IQCB1: variants seen among roughly 807,000 people sequenced by gnomAD.
IQCB1 encodes the protein IQ motif containing B1.
Under a neutral mutation model 84.4 loss-of-function variants are expected in IQCB1, and 56 were observed. The ratio of observed to expected loss-of-function variants is 0.66; its 90% CI spans 0.54 to 0.83. The LOEUF is 0.83. IQCB1 is among the 40% of genes least tolerant of loss of function. IQCB1 has a pLI of 0.00. For synonymous variants in IQCB1, 210 were observed against 234.8 expected (o/e 0.89, Z 0.96); for missense variants, 629 against 682.1 (o/e 0.92, Z 0.87).
rs183821398 is a variant in IQCB1 at position 121,811,174 on chromosome 3, G to A, written c.394-2165C>T. Among the ~76,000 whole-genome samples the A allele has an allele frequency of 2.8e-3, 431 of 152,270 alleles. 3 individuals carry two copies. The highest frequency in any genetic ancestry group is 0.015 in the South Asian group (73 of 4,822). On this transcript the variant is annotated intron_variant, in intron 5 of 14. Coordinates refer to ENST00000310864, the MANE Select transcript of IQCB1 (RefSeq NM_001023570.4). ...AGTGGGGCATTGCCTCACCTGGGAA[G>A]TGCAAGGGGCTGGGGACCTCCCTCC...
chr3:121,828,816 AT>A, intron 3 of IQCB1, 44 bp downstream of exon 3: 3 of 1,240,212 alleles, frequency 2.4e-6, no homozygotes, highest in Non-Finnish European at 3.6e-6. Context: ...CGATGGAACC[AT>A]TTTTCACTTA....
chr3:121,799,899 T>C (rs928838037), intron 7 of IQCB1, among the ~76,000 whole-genome samples: 2 of 151,884 alleles, frequency 1.3e-5, no homozygotes, highest in Admixed American at 1.3e-4. Context: ...ATCTAAAACT[T>C]AGAAATAGTC....
Position 121,822,748 on chromosome 3 carries a change from T to A in IQCB1, c.393+3303A>T, listed in dbSNP as rs551337077. Among the ~76,000 whole-genome samples, 31 of 152,244 alleles carry A rather than the reference T, an allele frequency of 2.0e-4. 1 individual carries two copies. In the South Asian group the frequency reaches 6.0e-3, roughly 29 times the overall value. On this transcript the variant is annotated intron_variant, in intron 5 of 14. Transcript: ENST00000310864. ...ACCAGGACTAAGGGCAATACTCTAA[T>A]GGCAAAACTGAAGTAAACCTCTCCA...
intron 8 of IQCB1, among the ~76,000 whole-genome samples, chr3:121,798,672 T>C (rs1246427475): frequency 1.3e-5 from 2 of 151,974 alleles, no homozygotes; most frequent in African/African-American, 2.4e-5. Flanking sequence ...AAAGCTATTA[T>C]ATGAGAATGT....
chr3:121,835,025 C>T lies in IQCB1; in HGVS notation c.-161G>A, dbSNP rs1708206772. On this transcript the variant is annotated 5_prime_UTR_variant, in exon 1 of 15. Coordinates refer to ENST00000310864, the MANE Select transcript of IQCB1 (RefSeq NM_001023570.4). ...CTGGGGCTCCCACGCCGCACTACAG[C>T]GCCGCGGCCTTCCGGGGCAGCGTGC... is the stretch of plus-strand genomic sequence containing the variant. 3.6e-6 allele frequency: 2 copies of T among 562,826 alleles called. No individual in the cohort carries two copies. The highest frequency in any genetic ancestry group is 6.2e-5 in the Admixed American group (2 of 32,462). The allele number at this position is 562,826 out of a possible 1,614,324, so 34.9% of individuals were successfully genotyped here.
rs2108643127 is a variant in IQCB1, at chr3:121,828,570, A to C, written c.163T>G (p.Cys55Gly). ...AGGCAATATTGAATGAGATCATAAC[A>C]ATATATATCTTGTTTGATTTTCTTC... Reference protein sequence around the residue: ...ELKKIKQDIYCYDLIQYCLLV... With the variant: ...ELKKIKQDIYGYDLIQYCLLV... The change falls in exon 4 of 15, where the codon TGT becomes GGT. Residue 55 changes from cysteine (C) to glycine (G), a missense_variant. Coordinates refer to ENST00000310864, the MANE Select transcript of IQCB1 (RefSeq NM_001023570.4). 6.2e-7 allele frequency: 1 copy of C among 1,605,450 alleles called. No homozygotes were observed. Among genetic ancestry groups the C allele is most frequent in the East Asian group, 2.2e-5 (1 of 44,766 alleles).
chr3:121,801,544 A>T (rs114318594), intron 7 of IQCB1, among the ~76,000 whole-genome samples: 1 of 152,004 alleles, frequency 6.6e-6, no homozygotes, highest in African/African-American at 2.4e-5. Context: ...AACATTCACC[A>T]AGTCATCATA....
In IQCB1 at chr3:121,796,617, G is replaced by T. The variant is rs563765394; in HGVS notation, c.876+501C>A. ...TTGTTGTATCTCAAAGAACAAGAAG[G>T]GTAGCCATAGGTAACCATAAATACA... On this transcript the variant is annotated intron_variant, in intron 9 of 14. Transcript: ENST00000310864. 4.6e-5 allele frequency among the ~76,000 whole-genome samples: 7 copies of T among 152,066 alleles called. No individual in the cohort carries two copies. The East Asian group carries it at 5.8e-4, about 13-fold the overall frequency.
At chr3:121,820,263 C>T (rs996851786) in intron 5 of IQCB1, among the ~76,000 whole-genome samples, 1 of 152,062 alleles carries the variant, frequency 6.6e-6, no homozygotes, top group Non-Finnish European at 1.5e-5. Flanking sequence ...AGGTAGAGCA[C>T]CTAGCAAATT....
At chr3:121,831,370 C>T (rs1406458343) in intron 2 of IQCB1, among the ~76,000 whole-genome samples, 7 of 152,008 alleles carry the variant, frequency 4.6e-5, no homozygotes, top group Admixed American at 4.6e-4. Context: ...GACAGGGTTT[C>T]TCCATGTTGC....
intron 12 of IQCB1, among the ~76,000 whole-genome samples, chr3:121,787,749 C>CAAAAAAAA (rs61374218): frequency 8.1e-6 from 1 of 124,068 alleles, no homozygotes; most frequent in Non-Finnish European, 1.7e-5. Context: ...GAATCCGTCT[C>CAAAAAAAA]AAAAAAAAAA....
At chr3:121,774,004 A>G (rs1349939856) in intron 13 of IQCB1, among the ~76,000 whole-genome samples, 2 of 152,136 alleles carry the variant, frequency 1.3e-5, no homozygotes, top group Non-Finnish European at 2.9e-5. Flanking sequence ...ATGTTTGCAA[A>G]TCATACATCT....
At chr3:121,795,426 G>A (rs903826151) in intron 10 of IQCB1, 31 bp downstream of exon 10, 1 of 1,084,728 alleles carries the variant, frequency 9.2e-7, no homozygotes, top group Non-Finnish European at 1.4e-6. Context: ...AAGATTCTAT[G>A]ATCATCAATC....
intron 6 of IQCB1, 63 bp downstream of exon 6, chr3:121,808,853 G>A: frequency 1.0e-6 from 1 of 988,440 alleles, no homozygotes; most frequent in Non-Finnish European, 1.6e-6. Context: ...TGGAAAAAAC[G>A]ATCAAACTGT....
intron 5 of IQCB1, among the ~76,000 whole-genome samples, chr3:121,821,546 T>A (rs1405780316): frequency 6.6e-6 from 1 of 152,180 alleles, no homozygotes. Context: ...GAAAATATTT[T>A]AGGCATTATA....
At chr3:121,797,605 C>T (rs545555933) in intron 8 of IQCB1, among the ~76,000 whole-genome samples, 12 of 151,746 alleles carry the variant, frequency 7.9e-5, no homozygotes, top group Non-Finnish European at 1.6e-4. Context: ...TAAATTACTA[C>T]AGACACATAT....
chr3:121,809,945 GAA>G (rs11306812), intron 5 of IQCB1, among the ~76,000 whole-genome samples: 12 of 141,994 alleles, frequency 8.5e-5, no homozygotes, highest in East Asian at 4.1e-4. Flanking sequence ...TATAACAATG[GAA>G]AAAAAAAAAA....
At position 121,822,868 on chromosome 3, in the gene IQCB1, G is replaced by T. The variant is rs1292232760; in HGVS notation, c.393+3183C>A. The stretch of plus-strand genomic sequence containing the variant: ...AGAGGAAGATACGAATTTCTACAAT[G>T]TGTCATTCACAGTTACCATTATAAA... On this transcript the variant is annotated intron_variant, in intron 5 of 14. Transcript: ENST00000310864. 2.0e-5 allele frequency among the ~76,000 whole-genome samples: 3 copies of T among 152,160 alleles called. No homozygotes were observed. The East Asian group carries it at 5.8e-4, about 29-fold the overall frequency.
Position 121,797,003 on chromosome 3 carries a change from T to C in IQCB1, c.876+115A>G, listed in dbSNP as rs887699004. ...AAAAAATTTAAAGATATTTCTGTTT[T>C]GGGGGTATTTTGCTTGAAATCTTAA... On this transcript the variant is annotated intron_variant, in intron 9 of 14. Transcript: ENST00000310864. 1.1e-5 allele frequency: 8 copies of C among 725,978 alleles called. 1 individual carries two copies. Among genetic ancestry groups the C allele is most frequent in the East Asian group, 2.5e-5 (1 of 39,804 alleles). 45.0% of individuals were successfully genotyped at this position (725,978 alleles called of 1,614,324 possible).
Sources: gnomAD v4.1 joint callset for allele counts (sites outside exome capture counted in the v4.1 genomes callset) on GRCh38, gnomAD v4.1.1 for gene constraint, MANE v1.5 for transcripts, NCBI Gene and HGNC (gene_info 2026-07-23, HGNC 2026-07-21) for gene names.